Variants in SLC4A11 observed in about 807,000 individuals in gnomAD.
The protein encoded by SLC4A11 is bicarbonate transporter related protein 1.
In SLC4A11, 74 loss-of-function variants were observed where a neutral mutation model predicts 95.0. The ratio of observed to expected loss-of-function variants is 0.78; its 90% confidence interval spans 0.65 to 0.95. The LOEUF (loss-of-function observed/expected upper bound fraction) is 0.95. Among genes scored for constraint, SLC4A11 ranks in the 40% least tolerant of loss-of-function variants. The pLI is 0.00. For synonymous variants in SLC4A11, 548 were observed against 519.0 expected (o/e 1.06, Z -0.76); for missense variants, 1,081 against 1,192.4 (o/e 0.91, Z 1.38).
intron 7 of SLC4A11, among the ~76,000 whole-genome samples, chr20:3,232,168 C>T (rs1568537583): frequency 6.6e-6 from 1 of 152,260 alleles, no homozygotes; most frequent in Admixed American, 6.5e-5. Context: ...AAATGTTTCC[C>T]CAGCTACGTT....
rs1568535023 is a variant in SLC4A11, at chr20:3,231,076, G to A, written c.1043-18C>T. Reference sequence around the variant, plus strand: ...AATAATGCCTAGGAATGGGGGATGGGAGAGAGGGTTTGCTGGGGATGCAGG... The same window carrying A: ...AATAATGCCTAGGAATGGGGGATGGAAGAGAGGGTTTGCTGGGGATGCAGG... On this transcript the variant is annotated intron_variant, in intron 9 of 19. Coordinates refer to ENST00000642402, the MANE Select transcript of SLC4A11 (RefSeq NM_001174089.2). This position sits in a 1 kb window ranked among gnomAD's most constrained non-coding sequence, Gnocchi z 5.2. The A allele has an allele frequency of 1.9e-6, 3 of 1,559,604 alleles. No individual in the cohort carries two copies. Among genetic ancestry groups the A allele is most frequent in the Admixed American group, 3.5e-5 (2 of 56,516 alleles).
rs139941321 is a variant in SLC4A11 at position 3,231,376 on chromosome 20, G to A, written c.902C>T (p.Thr301Met). 1.3e-4 allele frequency: 205 copies of A among 1,614,086 alleles called. No individual in the cohort carries two copies. The highest frequency in any genetic ancestry group is 4.5e-4 in the African/African-American group (34 of 75,048). Residue 301 changes from threonine to methionine, a missense_variant, in exon 8 of 20, where the codon ACG (threonine) becomes ATG (methionine). Thr to Met is a moderately conservative substitution (Grantham distance 81, BLOSUM62 -1). Around this residue, in one of 3 missense-constraint regions of SLC4A11, gnomAD observed 767 missense variants for 858.0 expected, o/e 0.89. Coordinates refer to ENST00000642402, the MANE Select transcript of SLC4A11 (RefSeq NM_001174089.2). This position sits in a 1 kb window ranked among gnomAD's most constrained non-coding sequence, Gnocchi z 5.2. Reference sequence around the variant, plus strand: ...GAGGGAGACTGTGCTGCGTTCCTTCGTTCTCGGCGCCACTGGACCGTGGCT... The same window carrying A: ...GAGGGAGACTGTGCTGCGTTCCTTCATTCTCGGCGCCACTGGACCGTGGCT... ...MVSHGPVAPR[T>M]KERSTVSLPA...
intron 7 of SLC4A11, among the ~76,000 whole-genome samples, chr20:3,232,981 A>C (rs142285833): frequency 2.7e-3 from 418 of 152,322 alleles, no homozygotes; most frequent in African/African-American, 9.5e-3. Flanking sequence ...CCCCATTTGC[A>C]CACAGAAGGC....
Position 3,234,754 on chromosome 20 carries a change from C to T in SLC4A11, c.229G>A (p.Ala77Thr), listed in dbSNP as rs768440795. ...FFVNVNLEMQATNTENEATSG... is the reference protein window; with the variant it reads ...FFVNVNLEMQTTNTENEATSG... The stretch of plus-strand genomic sequence containing the variant: ...GCAGCCCCCATACCAGTGTTGGTGG[C>T]CTGCATCTCAAGGTTGACATTGACA... The change falls in exon 3 of 20, where the codon GCC (alanine) becomes ACC (threonine). Residue 77 changes from alanine to threonine, a missense_variant. Physicochemically the swap from Ala to Thr is moderately conservative, Grantham distance 58. Around this residue, in one of 3 missense-constraint regions of SLC4A11, gnomAD observed 310 missense variants for 313.5 expected, o/e 0.99. Transcript: ENST00000642402. This position sits in a 1 kb window ranked among gnomAD's most constrained non-coding sequence, Gnocchi z 5.8. 1.2e-6 allele frequency: 2 copies of T among 1,613,976 alleles called. No individual in the cohort carries two copies. The highest frequency in any genetic ancestry group is 2.2e-5 in the South Asian group (2 of 91,076).
In SLC4A11 at chr20:3,229,643, G is replaced by A. The variant is rs749478923; in HGVS notation, c.1623C>T (p.Leu541=). ...CCGAGGGCAGCTCCGTGGGGCTGGC[G>A]AGGAAGCTGGCGTTGAGGGCAGTGT... The part of the protein sequence containing the change: ...SLHTALNASF[L]ASPTELPSAT... The change falls in exon 14 of 20, where the codon CTC becomes CTT. Residue 541 remains leucine (L), a synonymous_variant. Coordinates refer to ENST00000642402, the MANE Select transcript of SLC4A11 (RefSeq NM_001174089.2). 5 of 1,613,474 alleles carry A rather than the reference G, an allele frequency of 3.1e-6. No homozygotes were observed. The highest frequency in any genetic ancestry group is 1.1e-5 in the South Asian group (1 of 91,078).
At chr20:3,237,799 T>G in intron 1 of SLC4A11, 2 of 1,596,252 alleles carry the variant, frequency 1.3e-6, no homozygotes, top group African/African-American at 1.3e-5. Context: ...GAAATTCAAT[T>G]GCTTAGCCCA....
Position 3,230,943 on chromosome 20 carries a change from G to A in SLC4A11, c.1158C>T (p.Asp386=), listed in dbSNP as rs764910925. ...CCGCCAGCCCCTCACCGATGGCCCC[G>A]TCTGTGTTCTCGTCATTGAGAGACC... ...AFGSLNDENT[D]GAIDVQKTIA... The change falls in exon 10 of 20, where the codon GAC becomes GAT. Residue 386 remains aspartate (D), a synonymous_variant. Coordinates refer to ENST00000642402, the MANE Select transcript of SLC4A11 (RefSeq NM_001174089.2). 1.9e-5 allele frequency: 24 copies of A among 1,254,740 alleles called. No homozygotes were observed. Among genetic ancestry groups the A allele is most frequent in the Admixed American group, 9.3e-5 (5 of 53,848 alleles). The allele number at this position is 1,254,740 out of a possible 1,614,324, so 77.7% of individuals were successfully genotyped here. A position where few individuals can be genotyped will look rare whatever the true frequency, so the allele number is the denominator to read the frequency against.
Position 3,237,529 on chromosome 20 carries a change from C to G in SLC4A11, c.88+15G>C, listed in dbSNP as rs2068019943. The stretch of plus-strand genomic sequence containing the variant: ...AGCTCTCTCTGCACACACACACTCC[C>G]CGAGAGGTACTCACTTGAATCCTCG... On this transcript the variant is annotated intron_variant, in intron 2 of 19. Transcript: ENST00000642402. 6.2e-7 allele frequency: 1 copy of G among 1,613,690 alleles called. No individual in the cohort carries two copies. The highest frequency in any genetic ancestry group is 8.5e-7 in the Non-Finnish European group (1 of 1,179,654).
At position 3,234,206 on chromosome 20, in the gene SLC4A11, T is replaced by C. The variant is rs775005667; in HGVS notation, c.400A>G (p.Asn134Asp). 5.0e-6 allele frequency: 8 copies of C among 1,613,970 alleles called. No homozygotes were observed. The highest frequency in any genetic ancestry group is 4.5e-5 in the East Asian group (2 of 44,888). Residue 134 changes from asparagine to aspartate, a missense_variant, in exon 5 of 20, where the codon AAC becomes GAC. Asn to Asp is a conservative substitution (Grantham distance 23). Transcript: ENST00000642402. This position sits in a 1 kb window ranked among gnomAD's most constrained non-coding sequence, Gnocchi z 5.8. ...VLNETATSLD[N>D]VLRTMLRRFA... ...CGGCGAAGCATGGTCCGCAGCACGT[T>C]ATCCAGGGAGGTGGCCGTCTCGTTC...
intron 1 of SLC4A11, chr20:3,238,696 G>T: frequency 9.9e-7 from 1 of 1,011,998 alleles, no homozygotes; most frequent in East Asian, 9.2e-5. Flanking sequence ...ACGGGAAGAT[G>T]CCCGGGCGGA....
Position 3,229,357 on chromosome 20 carries a change from C to T in SLC4A11, c.1838G>A (p.Arg613Gln), listed in dbSNP as rs150446005. The change falls in exon 15 of 20, where the codon CGG (arginine) becomes CAG (glutamine). Residue 613 changes from arginine (R) to glutamine (Q), a missense_variant. Arg to Gln is a conservative substitution (Grantham distance 43). This residue lies in a region of SLC4A11 where 767 missense variants were observed against 858.0 expected (regional missense o/e 0.89). Coordinates refer to ENST00000642402, the MANE Select transcript of SLC4A11 (RefSeq NM_001174089.2). ...CGGCCCCAACTCACTCTCGATTTCC[C>T]GGAAGCCATGGGAGCTGATGAGGGA... ...AFSLISSHGF[R>Q]EIEMSKFRYN... 88 of 1,613,150 alleles carry T rather than the reference C, an allele frequency of 5.5e-5. 1 individual carries two copies. Among genetic ancestry groups the T allele is most frequent in the Non-Finnish European group, 7.1e-5 (84 of 1,180,024 alleles).
rs992589183 is a variant in SLC4A11 at position 3,238,045 on chromosome 20, T to C, written c.44-457A>G. 9 of 1,502,078 alleles carry C rather than the reference T, an allele frequency of 6.0e-6. No individual in the cohort carries two copies. In the African/African-American group the frequency reaches 9.8e-5, roughly 16 times the overall value. 93.0% of individuals were successfully genotyped at this position (1,502,078 alleles called of 1,614,324 possible). A position where few individuals can be genotyped will look rare whatever the true frequency, so the allele number is the denominator to read the frequency against. On this transcript the variant is annotated intron_variant, in intron 1 of 19. Coordinates refer to ENST00000642402, the MANE Select transcript of SLC4A11 (RefSeq NM_001174089.2). ...CCTCTTCTCACTCTCAGACCGGTCC[T>C]GGGGGCCATAAACGCCCATTGCAGG... is the stretch of plus-strand genomic sequence containing the variant.
intron 2 of SLC4A11, 78 bp downstream of exon 2, chr20:3,237,466 G>A: frequency 1.4e-6 from 2 of 1,441,696 alleles, no homozygotes; most frequent in Non-Finnish European, 2.0e-6. Flanking sequence ...CAGGACTCTG[G>A]TGGGTAGGCT....
At chr20:3,235,152 TGA>T (rs1415733113) in intron 2 of SLC4A11, among the ~76,000 whole-genome samples, 1 of 152,088 alleles carries the variant, frequency 6.6e-6, no homozygotes, top group Non-Finnish European at 1.5e-5. Flanking sequence ...CCCTTCAGCG[TGA>T]GAAAAACATG....
intron 2 of SLC4A11, among the ~76,000 whole-genome samples, chr20:3,235,396 G>A (rs1324269544): frequency 6.6e-6 from 1 of 151,276 alleles, no homozygotes; most frequent in Non-Finnish European, 1.5e-5. Context: ...CGCCTCCCCA[G>A]GAGGGCAGGT....
upstream of SLC4A11, chr20:3,239,557 C>T (rs1321391622): frequency 3.0e-6 from 3 of 986,992 alleles, no homozygotes; most frequent in Non-Finnish European, 3.6e-6. Flanking sequence ...TGAGGCAGAC[C>T]CCGGGAGGGC....
chr20:3,231,024 G>A lies in SLC4A11; in HGVS notation c.1077C>T (p.Tyr359=), dbSNP rs2067750801. ...AGTAGAGGAACAGGGTGGTGGTGAT[G>A]TATTTGCCCACAGCCTTGTTTTTCC... ...IIGKNKAVGK[Y]ITTTLFLYFA... Residue 359 remains tyrosine (Y), a synonymous_variant, in exon 10 of 20, where the codon TAC becomes TAT. Coordinates refer to ENST00000642402, the MANE Select transcript of SLC4A11 (RefSeq NM_001174089.2). This position sits in a 1 kb window ranked among gnomAD's most constrained non-coding sequence, Gnocchi z 5.2. The A allele has an allele frequency of 6.2e-7, 1 of 1,614,068 alleles. No individual in the cohort carries two copies. Among genetic ancestry groups the A allele is most frequent in the African/African-American group, 1.3e-5 (1 of 75,052 alleles).
intron 6 of SLC4A11, 84 bp from the exon 7 acceptor site, chr20:3,233,721 C>A (rs1475239706): frequency 6.3e-7 from 1 of 1,590,562 alleles, no homozygotes; most frequent in Non-Finnish European, 8.5e-7. Context: ...CGACCTTGAC[C>A]CCTGGCGACC....
At chr20:3,232,789 C>A (rs1425977425) in intron 7 of SLC4A11, among the ~76,000 whole-genome samples, 1 of 152,208 alleles carries the variant, frequency 6.6e-6, no homozygotes, top group Non-Finnish European at 1.5e-5. Flanking sequence ...TGAGGAGGAG[C>A]CCAGTGTCGG....
Sources: allele counts gnomAD v4.1 joint callset (sites outside exome capture counted in the v4.1 genomes callset), GRCh38; gene constraint gnomAD v4.1.1; regional missense constraint gnomAD v4.1.1; non-coding constraint Gnocchi (gnomAD v3.1); transcripts MANE v1.5; gene names NCBI Gene and HGNC (gene_info 2026-07-23, HGNC 2026-07-21).